Variants in ESRP2 observed in about 807,000 individuals in gnomAD.
The protein encoded by ESRP2 is epithelial splicing regulatory protein 2, also known as RNA binding motif protein 35A.
Under a neutral mutation model 78.6 loss-of-function variants are expected in ESRP2, and 48 were observed. The ratio of observed to expected loss-of-function variants is 0.61; its 90% CI spans 0.48 to 0.78. The LOEUF (loss-of-function observed/expected upper bound fraction) is 0.78. ESRP2 is among the 30% of genes least tolerant of loss of function. ESRP2 has a pLI of 0.00. For missense variants in ESRP2, 863 were observed against 965.9 expected, an observed-to-expected ratio of 0.89 and a Z score of 1.41; for synonymous variants, 383 against 406.7, an observed-to-expected ratio of 0.94 and a Z score of 0.70.
Position 68,231,894 on chromosome 16 carries a change from C to G in ESRP2, c.1207G>C (p.Glu403Gln). The G allele has an allele frequency of 1.9e-6, 3 of 1,613,996 alleles. No individual in the cohort carries two copies. Among genetic ancestry groups the G allele is most frequent in the Non-Finnish European group, 2.5e-6 (3 of 1,179,994 alleles). ...CTGCGCAGTGCAGCCTGTGCCAGCT[C>G]CTCACAAGCAAAGAGGGCGAAGGCA... ...GDAFALFACE[E>Q]LAQAALRRHK... Residue 403 changes from glutamate to glutamine, a missense_variant, in exon 10 of 15, where the codon GAG becomes CAG. Glu to Gln is a conservative substitution (Grantham distance 29, BLOSUM62 2). Coordinates refer to ENST00000473183, the MANE Select transcript of ESRP2 (RefSeq NM_024939.3). The surrounding 1 kb of genome is among the most constrained non-coding windows in gnomAD (Gnocchi z 6.0).
Position 68,231,058 on chromosome 16 carries a change from C to T in ESRP2, c.1712-31G>A, listed in dbSNP as rs755446587. 1.3e-5 allele frequency: 20 copies of T among 1,589,966 alleles called. No homozygotes were observed. The highest frequency in any genetic ancestry group is 6.9e-5 in the South Asian group (6 of 87,454). ...GACGGAAGTAGAAAGTGCATGTGCA[C>T]GGAGCCCAGCACTGCCCTGGGTGGG... On this transcript the variant is annotated intron_variant, in intron 12 of 14. Coordinates refer to ENST00000473183, the MANE Select transcript of ESRP2 (RefSeq NM_024939.3). The surrounding 1 kb of genome is among the most constrained non-coding windows in gnomAD (Gnocchi z 6.0).
intron 2 of ESRP2, chr16:68,234,311 C>G: frequency 1.7e-6 from 1 of 576,460 alleles, no homozygotes; most frequent in Admixed American, 3.2e-5. Context: ...AGTCCACTGT[C>G]ACCTCCTCCA....
intron 13 of ESRP2, 112 bp from the exon 14 acceptor site, chr16:68,230,666 GC>G: frequency 7.0e-7 from 1 of 1,428,288 alleles, no homozygotes; most frequent in Non-Finnish European, 9.4e-7. Flanking sequence ...CCTCCCTGAA[GC>G]CCCAGCCTCT....
chr16:68,231,168 G>T lies in ESRP2; in HGVS notation c.1711+10C>A, dbSNP rs1338542519. On this transcript the variant is annotated intron_variant, in intron 12 of 14. Coordinates refer to ENST00000473183, the MANE Select transcript of ESRP2 (RefSeq NM_024939.3). The surrounding 1 kb of genome is among the most constrained non-coding windows in gnomAD (Gnocchi z 6.0). Reference sequence around the variant, plus strand: ...AGGCCTCCTCCTCCCCTAGCCCCTAGGGCACTCACAGGGCAGCTTGCAGGG... The same window carrying T: ...AGGCCTCCTCCTCCCCTAGCCCCTATGGCACTCACAGGGCAGCTTGCAGGG... 1 of 1,612,806 alleles carries T rather than the reference G, an allele frequency of 6.2e-7. No homozygotes were observed. The highest frequency in any genetic ancestry group is 1.7e-5 in the Admixed American group (1 of 60,002).
In ESRP2 at chr16:68,230,330, CAG is replaced by C; in HGVS notation, c.2065-17_2065-16del. On this transcript the variant is annotated splice_polypyrimidine_tract_variant and intron_variant, in intron 14 of 14. Transcript: ENST00000473183. The stretch of plus-strand genomic sequence containing the variant: ...TCAGCGGGTAGCTACAGAAGGGACA[CAG>C]ATTTAGGGCAGAGAGCTCAGCCAGA... 6.2e-7 allele frequency: 1 copy of C among 1,614,188 alleles called. No homozygotes were observed. The highest frequency in any genetic ancestry group is 8.5e-7 in the Non-Finnish European group (1 of 1,180,016).
chr16:68,232,639 C>T lies in ESRP2; in HGVS notation c.759G>A (p.Gly253=), dbSNP rs779551114. 1.2e-6 allele frequency: 2 copies of T among 1,614,118 alleles called. No individual in the cohort carries two copies. The highest frequency in any genetic ancestry group is 1.1e-5 in the South Asian group (1 of 91,086). ...CCTGGTCTGATGACTGCCACGGCAACCCACGAGCCCGTACCACAGTCTCAC... is the reference window on the plus strand; with the variant it reads ...CCTGGTCTGATGACTGCCACGGCAATCCACGAGCCCGTACCACAGTCTCAC... ...VDSETVVRAR[G]LPWQSSDQDV... Residue 253 remains glycine (G), a synonymous_variant, in exon 7 of 15, where the codon GGG becomes GGA. Transcript: ENST00000473183. The surrounding 1 kb of genome is among the most constrained non-coding windows in gnomAD (Gnocchi z 5.2).
intron 4 of ESRP2, 109 bp downstream of exon 4, chr16:68,233,659 G>C: frequency 1.2e-6 from 1 of 841,794 alleles, no homozygotes; most frequent in South Asian, 1.5e-5. Context: ...GGACTTAGCA[G>C]ATAACGCAGT....
In ESRP2 at chr16:68,231,505, C is replaced by A. The variant is rs768209581; in HGVS notation, c.1489G>T (p.Val497Leu). 4 of 1,613,964 alleles carry A rather than the reference C, an allele frequency of 2.5e-6. No individual in the cohort carries two copies. In the African/African-American group the frequency reaches 5.3e-5, roughly 22 times the overall value. ...EAAADIRPHG[V>L]HMVLNQQGRP... ...ACCTGCTGGTTGAGCACCATGTGTA[C>A]ACCGTGGGGCCGAATGTCAGCTGCT... is the stretch of plus-strand genomic sequence containing the variant. Residue 497 changes from valine (V) to leucine (L), a missense_variant, in exon 11 of 15, where the codon GTA becomes TTA. Physicochemically the swap from Val to Leu is conservative, Grantham distance 32. Transcript: ENST00000473183. This position sits in a 1 kb window ranked among gnomAD's most constrained non-coding sequence, Gnocchi z 6.0.
rs761757603 is a variant in ESRP2, at chr16:68,231,668, T to C, written c.1326A>G (p.Pro442=). The C allele has an allele frequency of 1.2e-6, 2 of 1,610,372 alleles. No homozygotes were observed. Among genetic ancestry groups the C allele is most frequent in the Admixed American group, 1.7e-5 (1 of 59,834 alleles). The change falls in exon 11 of 15, where the codon CCA becomes CCG. Residue 442 remains proline (P), a synonymous_variant. Transcript: ENST00000473183. The surrounding 1 kb of genome is among the most constrained non-coding windows in gnomAD (Gnocchi z 6.0). ...GTGGGGCAGTCAGTGTAGGAAGGAG[T>C]GGGCCGGATGCATAGCGGTTCAAGA... ...QQVLNRYASG[P]LLPTLTAPLL...
In ESRP2 at chr16:68,232,802, C is replaced by G. The variant is rs1374842143; in HGVS notation, c.669G>C (p.Ser223=). Residue 223 remains serine, a synonymous_variant, in exon 6 of 15, where the codon TCG becomes TCC. Transcript: ENST00000473183. The surrounding 1 kb of genome is among the most constrained non-coding windows in gnomAD (Gnocchi z 5.2). ...LLKEPSSQLF[S]KPEVIKQKYE... ...ATTTCTGCTTTATCACCTCGGGCTT[C>G]GAAAACAATTGACCTGAGAAAAGAT... The G allele has an allele frequency of 6.2e-7, 1 of 1,614,112 alleles. No homozygotes were observed. Among genetic ancestry groups the G allele is most frequent in the South Asian group, 1.1e-5 (1 of 91,086 alleles).
In ESRP2 at chr16:68,235,724, C is replaced by T. The variant is rs148208256; in HGVS notation, c.237G>A (p.Ala79=). 1.9e-6 allele frequency: 3 copies of T among 1,606,140 alleles called. No individual in the cohort carries two copies. In the Admixed American group the frequency reaches 5.0e-5, roughly 27 times the overall value. The part of the protein sequence containing the change: ...TLHKSLVRAE[A]AALSTQCREA... ...CGCGGCACTGCGTACTCAGTGCGGC[C>T]GCCTCGGCACGAACCAGCGATTTGT... Residue 79 remains alanine (A), a synonymous_variant, in exon 2 of 15, where the codon GCG becomes GCA. Coordinates refer to ENST00000473183, the MANE Select transcript of ESRP2 (RefSeq NM_024939.3). This position sits in a 1 kb window ranked among gnomAD's most constrained non-coding sequence, Gnocchi z 5.5.
In ESRP2 at chr16:68,235,990, G is replaced by C; in HGVS notation, c.56C>G (p.Pro19Arg). The C allele has an allele frequency of 6.3e-7, 1 of 1,580,022 alleles. No homozygotes were observed. The highest frequency in any genetic ancestry group is 8.6e-7 in the Non-Finnish European group (1 of 1,165,938). The change falls in exon 1 of 15, where the codon CCC (proline) becomes CGC (arginine). Residue 19 changes from proline (P) to arginine (R), a missense_variant. Coordinates refer to ENST00000473183, the MANE Select transcript of ESRP2 (RefSeq NM_024939.3). The surrounding 1 kb of genome is among the most constrained non-coding windows in gnomAD (Gnocchi z 5.5). ...GGGCCAGGGGCAGGGGTCCGCGGCG[G>C]GGTCGGCCGCGGGGTCAGGGCCCGG... ...PPPGPDPAAD[P>R]AADPCPWPGS...
At position 68,230,015 on chromosome 16, in the gene ESRP2, C is replaced by G; in HGVS notation, c.*211G>C. The stretch of plus-strand genomic sequence containing the variant: ...GAGCTGGTTAGCCCCATTCCACCCC[C>G]AGCCCTGCATGCAGGGTCCAGCCAT... On this transcript the variant is annotated 3_prime_UTR_variant, in exon 15 of 15. Transcript: ENST00000473183. 1.7e-6 allele frequency: 1 copy of G among 592,992 alleles called. No individual in the cohort carries two copies. The highest frequency in any genetic ancestry group is 3.0e-6 in the Non-Finnish European group (1 of 333,478). 36.7% of individuals were successfully genotyped at this position (592,992 alleles called of 1,614,324 possible). A position where few individuals can be genotyped will look rare whatever the true frequency, so the allele number is the denominator to read the frequency against.
At chr16:68,234,148 C>T in intron 2 of ESRP2, 41 bp from the exon 3 acceptor site, 1 of 1,477,214 alleles carries the variant, frequency 6.8e-7, no homozygotes, top group South Asian at 1.2e-5. Flanking sequence ...CACAGATTCA[C>T]AGCTGGGCAG....
intron 5 of ESRP2, 150 bp downstream of exon 5, chr16:68,233,176 GC>G: frequency 1.6e-6 from 1 of 628,578 alleles, no homozygotes; most frequent in Non-Finnish European, 2.8e-6. Flanking sequence ...TCTAGCCTAG[GC>G]TACAGAGGGA....
Position 68,232,925 on chromosome 16 carries a change from A to G in ESRP2, c.656-110T>C. On this transcript the variant is annotated intron_variant, in intron 5 of 14. Coordinates refer to ENST00000473183, the MANE Select transcript of ESRP2 (RefSeq NM_024939.3). This position sits in a 1 kb window ranked among gnomAD's most constrained non-coding sequence, Gnocchi z 5.2. ...GAGATGAAGAAATGACAGGCCGAGC[A>G]CAGTGGCTCACGCCTATAATCCCAG... The G allele has an allele frequency of 1.7e-5, 25 of 1,461,648 alleles. No individual in the cohort carries two copies. Among genetic ancestry groups the G allele is most frequent in the Non-Finnish European group, 2.3e-5 (24 of 1,059,536 alleles). 90.5% of individuals were successfully genotyped at this position (1,461,648 alleles called of 1,614,324 possible). A position where few individuals can be genotyped will look rare whatever the true frequency, so the allele number is the denominator to read the frequency against.
At position 68,233,806 on chromosome 16, in the gene ESRP2, C is replaced by CA; in HGVS notation, c.517dup (p.Cys173LeufsTer25). 6.2e-7 allele frequency: 1 copy of CA among 1,614,096 alleles called. No individual in the cohort carries two copies. Among genetic ancestry groups the CA allele is most frequent in the Non-Finnish European group, 8.5e-7 (1 of 1,180,008 alleles). On this transcript the variant is annotated frameshift_variant, in exon 4 of 15. Transcript: ENST00000473183. LOFTEE classifies it high-confidence loss of function. ...GGCCACAGTGAGGTCCCTGGCAGGGCAGGTGCTTGGATGCTGCATATGGAA... is the reference window on the plus strand; with the variant it reads ...GGCCACAGTGAGGTCCCTGGCAGGGCAAGGTGCTTGGATGCTGCATATGGAA...
rs746916433 is a variant in ESRP2 at position 68,236,001 on chromosome 16, G to A, written c.45C>T (p.Pro15=). The A allele has an allele frequency of 1.2e-5, 19 of 1,559,780 alleles. No homozygotes were observed. The East Asian group carries it at 3.6e-4, about 30-fold the overall frequency. Residue 15 remains proline, a synonymous_variant, in exon 1 of 15, where the codon CCC becomes CCT. Transcript: ENST00000473183. The surrounding 1 kb of genome is among the most constrained non-coding windows in gnomAD (Gnocchi z 5.2). ...AGGGGTCCGCGGCGGGGTCGGCCGC[G>A]GGGTCAGGGCCCGGGGGAGGGGGCG... ...PPPPPPPGPD[P]AADPAADPCP...
At chr16:68,233,301 G>T in intron 5 of ESRP2, 26 bp downstream of exon 5, 2 of 1,528,754 alleles carry the variant, frequency 1.3e-6, no homozygotes, top group Non-Finnish European at 9.1e-7. Flanking sequence ...CTGAGAACAG[G>T]TGACAGGCAG....
Sources: gnomAD v4.1 joint callset for allele counts on GRCh38, gnomAD v4.1.1 for gene constraint, Gnocchi (gnomAD v3.1) non-coding constraint, MANE v1.5 for transcripts, NCBI Gene and HGNC (gene_info 2026-07-23, HGNC 2026-07-21) for gene names.